COL21A1: variants seen among roughly 807,000 people sequenced by gnomAD.
COL21A1 encodes the protein collagen type XXI alpha 1 chain, also known as collagen alpha-1(XXI) chain.
A neutral mutation model predicts 137.9 loss-of-function variants in COL21A1; 149 were observed. The ratio of observed to expected loss-of-function variants is 1.08; its 90% confidence interval spans 0.95 to 1.24. The LOEUF is 1.24. COL21A1 is among the 50% of genes most tolerant of loss of function. The probability of loss-of-function intolerance (pLI) is 0.00; values close to 1 mark genes in which losing one functional copy is unlikely to be tolerated. For synonymous variants in COL21A1, 456 were observed against 391.5 expected, an observed-to-expected ratio of 1.16 and a Z score of -1.95; for missense variants, 1,167 against 1,158.4, an observed-to-expected ratio of 1.01 and a Z score of -0.11.
intron 9 of COL21A1, among the ~76,000 whole-genome samples, chr6:56,161,535 A>G (rs1776203424): frequency 6.6e-6 from 1 of 152,206 alleles, no homozygotes; most frequent in African/African-American, 2.4e-5. Context: ...AAAAAGTATT[A>G]CTATTAAGCA....
At chr6:56,355,435 G>A (rs185576310) in intron 1 of COL21A1, among the ~76,000 whole-genome samples, 29 of 152,108 alleles carry the variant, frequency 1.9e-4, no homozygotes, top group East Asian at 1.7e-3. Context: ...GACGGGGTGG[G>A]GGGTAAACCT....
At chr6:56,164,555 A>T (rs1393612440) in intron 8 of COL21A1, 49 bp from the exon 9 acceptor site, 2 of 1,291,376 alleles carry the variant, frequency 1.5e-6, no homozygotes, top group Non-Finnish European at 2.2e-6. Context: ...AAGACATATA[A>T]GTACATGCAC....
intron 1 of COL21A1, among the ~76,000 whole-genome samples, chr6:56,345,069 T>C (rs1292216021): frequency 6.6e-6 from 1 of 152,246 alleles, no homozygotes; most frequent in Non-Finnish European, 1.5e-5. Context: ...CTCTGTGGGA[T>C]GCACAGGTGA....
chr6:56,059,976 G>T (rs759596051), intron 28 of COL21A1, 42 bp downstream of exon 28: 80 of 1,481,330 alleles, frequency 5.4e-5, no homozygotes, highest in Non-Finnish European at 5.8e-5. Context: ...TTTAAAAAAA[G>T]ACTTTTTAAA....
At chr6:56,178,807 CTG>C (rs1363469466) in intron 3 of COL21A1, among the ~76,000 whole-genome samples, 6 of 152,108 alleles carry the variant, frequency 3.9e-5, no homozygotes, top group East Asian at 3.9e-4. Context: ...AATTAATAAA[CTG>C]TTATTTTCAA....
chr6:56,266,392 T>A (rs1763391938), intron 1 of COL21A1, among the ~76,000 whole-genome samples: 1 of 152,210 alleles, frequency 6.6e-6, no homozygotes, highest in Admixed American at 6.5e-5. Context: ...TCTTTTTTGT[T>A]TTTTTGTTTT....
intron 3 of COL21A1, among the ~76,000 whole-genome samples, chr6:56,176,792 C>T (rs1777503746): frequency 6.7e-6 from 1 of 148,426 alleles, no homozygotes; most frequent in Admixed American, 6.8e-5. Context: ...TGTTAGAAGA[C>T]TAGGTTTCAT....
intron 1 of COL21A1, among the ~76,000 whole-genome samples, chr6:56,373,749 G>A (rs1392632610): frequency 6.6e-6 from 1 of 152,012 alleles, no homozygotes; most frequent in African/African-American, 2.4e-5. Context: ...TTTTTGTACT[G>A]AAAACACTTC....
chr6:56,308,865 C>T (rs1158584034), intron 1 of COL21A1, among the ~76,000 whole-genome samples: 2 of 152,134 alleles, frequency 1.3e-5, no homozygotes, highest in Admixed American at 6.5e-5. Flanking sequence ...TCCACCATTA[C>T]AGCAAATTCC....
chr6:56,222,829 G>A (rs1291962140), intron 1 of COL21A1, among the ~76,000 whole-genome samples: 2 of 152,076 alleles, frequency 1.3e-5, no homozygotes, highest in African/African-American at 2.4e-5. Context: ...GAGTCACACA[G>A]ATTAGTACTT....
intron 17 of COL21A1, among the ~76,000 whole-genome samples, chr6:56,099,765 T>C (rs1770282074): frequency 6.6e-6 from 1 of 151,994 alleles, no homozygotes; most frequent in South Asian, 2.1e-4. Flanking sequence ...AGTTACCAAG[T>C]CTCATAATTT....
At chr6:56,273,127 T>C (rs1334652277) in intron 1 of COL21A1, among the ~76,000 whole-genome samples, 1 of 152,242 alleles carries the variant, frequency 6.6e-6, no homozygotes, top group African/African-American at 2.4e-5. Context: ...TGCTCCTGAA[T>C]AATTTCTGGG....
intron 1 of COL21A1, among the ~76,000 whole-genome samples, chr6:56,300,117 T>C (rs768814309): frequency 3.3e-5 from 5 of 152,122 alleles, no homozygotes; most frequent in Non-Finnish European, 7.4e-5. Flanking sequence ...AGAAAGATTA[T>C]GGAGTAGCCA....
At chr6:56,264,988 G>T (rs141907147) in intron 1 of COL21A1, among the ~76,000 whole-genome samples, 1 of 152,246 alleles carries the variant, frequency 6.6e-6, no homozygotes, top group African/African-American at 2.4e-5. Flanking sequence ...TTGTGAAAAA[G>T]ACTATAAGAA....
At chr6:56,142,348 G>A (rs928429522) in intron 10 of COL21A1, among the ~76,000 whole-genome samples, 4 of 152,252 alleles carry the variant, frequency 2.6e-5, no homozygotes, top group African/African-American at 9.6e-5. Context: ...AAACAAATGT[G>A]TATTTGTAAA....
intron 1 of COL21A1, among the ~76,000 whole-genome samples, chr6:56,234,009 G>C (rs1220560414): frequency 6.6e-6 from 1 of 151,726 alleles, no homozygotes; most frequent in East Asian, 1.9e-4. Flanking sequence ...ATAACTTCCA[G>C]AGATGACTGG....
chr6:56,075,507 T>G lies in COL21A1; in HGVS notation c.1883A>C (p.Gln628Pro). 1.3e-6 allele frequency: 2 copies of G among 1,536,758 alleles called. No homozygotes were observed. The highest frequency in any genetic ancestry group is 8.8e-7 in the Non-Finnish European group (1 of 1,141,516). Residue 628 changes from glutamine to proline, a missense_variant, in exon 19 of 30, where the codon CAA becomes CCA. By Grantham distance (76) the Gln-to-Pro change is moderately conservative. Coordinates refer to ENST00000244728, the MANE Select transcript of COL21A1 (RefSeq NM_030820.4). Reference sequence around the variant, plus strand: ...CATCCCTGGGGCTCCTTTTTTTCCTTGCTGTCCTGGAGGCCCAATTTCTCC... The same window carrying G: ...CATCCCTGGGGCTCCTTTTTTTCCTGGCTGTCCTGGAGGCCCAATTTCTCC... ...QKGEIGPPGQ[Q>P]GKKGAPGMPG...
At chr6:56,306,180 A>G (rs1439700301) in intron 1 of COL21A1, among the ~76,000 whole-genome samples, 1 of 137,134 alleles carries the variant, frequency 7.3e-6, no homozygotes, top group Non-Finnish European at 1.6e-5. Flanking sequence ...CCTTCATTTC[A>G]ACTTTGGTGA....
rs1767354762 is a variant in COL21A1, at chr6:56,077,545, C to T, written c.1841G>A (p.Gly614Glu). ...PGIPGFPGNRGLMGQKGEIGP... is the reference protein window; with the variant it reads ...PGIPGFPGNRELMGQKGEIGP... ...AATACTTACCTTTTGGCCCATTAAT[C>T]CTCGGTTTCCAGGAAATCCTGGGAT... The change falls in exon 18 of 30, where the codon GGA becomes GAA. Residue 614 changes from glycine to glutamate, a missense_variant. Gly to Glu is a moderately conservative substitution (Grantham distance 98). Transcript: ENST00000244728. 6.3e-7 allele frequency: 1 copy of T among 1,578,460 alleles called. No homozygotes were observed.
Sources: allele counts gnomAD v4.1 joint callset (sites outside exome capture counted in the v4.1 genomes callset), GRCh38; gene constraint gnomAD v4.1.1; transcripts MANE v1.5; gene names NCBI Gene and HGNC (gene_info 2026-07-23, HGNC 2026-07-21).